The following ACP7 variants were observed in gnomAD, a reference collection of about 807,000 sequenced individuals.
ACP7 encodes acid phosphatase type 7.
In ACP7, 58 loss-of-function variants were observed where a neutral mutation model predicts 60.6. The observed-to-expected ratio is 0.96, with a 90% confidence interval of 0.77 to 1.19. The LOEUF is 1.19. Ranked by LOEUF, ACP7 falls within the 50% of genes most tolerant of loss-of-function variation. The pLI is 0.00. For synonymous variants in ACP7, 237 were observed against 232.6 expected (o/e 1.02, Z -0.17); for missense variants, 574 against 596.2 (o/e 0.96, Z 0.39).
intron 2 of ACP7, among the ~76,000 whole-genome samples, chr19:39,086,755 TA>T (rs2073147145): frequency 6.6e-6 from 1 of 152,108 alleles, no homozygotes; most frequent in Non-Finnish European, 1.5e-5. Flanking sequence ...TTTACATCAC[TA>T]AATTTTATGG....
At chr19:39,092,624 A>C (rs1045134207) in intron 2 of ACP7, among the ~76,000 whole-genome samples, 3 of 151,944 alleles carry the variant, frequency 2.0e-5, no homozygotes, top group Non-Finnish European at 2.9e-5. Context: ...GGTTCCCCCC[A>C]CACCCTGATA....
rs200775912 is a variant in ACP7 at position 39,098,936 on chromosome 19, G to A, written c.323-24G>A. On this transcript the variant is annotated intron_variant, in intron 3 of 12. Transcript: ENST00000331256. ...GGGTCCCGGGGCGCCCCAGCTGACT[G>A]CGACCTTTTCCTCTCCCATTCAGTT... 1.7e-5 allele frequency: 28 copies of A among 1,608,558 alleles called. No individual in the cohort carries two copies. In the East Asian group the frequency reaches 6.3e-4, roughly 36 times the overall value.
chr19:39,102,767 C>CTTTCTTTTTCTTTCTT (rs754172891), intron 11 of ACP7, among the ~76,000 whole-genome samples: 1 of 101,054 alleles, frequency 9.9e-6, no homozygotes, highest in East Asian at 3.3e-4. Flanking sequence ...TTCTTTCTTT[C>CTTTCTTTTTCTTTCTT]TCTCTCTCTC....
rs745789284 is a variant in ACP7, at chr19:39,098,504, C to T, written c.168C>T (p.Thr56=). The T allele has an allele frequency of 3.7e-6, 6 of 1,606,342 alleles. No homozygotes were observed. The African/African-American group carries it at 6.7e-5, about 18-fold the overall frequency. The part of the protein sequence containing the change: ...MTVTWTTWVP[T]RSEVQFGLQP... The stretch of plus-strand genomic sequence containing the variant: ...TAACTTGGACCACATGGGTCCCAAC[C>T]CGCTCTGAAGTGCAATTCGGGTTGC... Residue 56 remains threonine, a synonymous_variant, in exon 3 of 13, where the codon ACC becomes ACT. Transcript: ENST00000331256.
chr19:39,088,466 C>T (rs533152162), intron 2 of ACP7, among the ~76,000 whole-genome samples: 10 of 152,324 alleles, frequency 6.6e-5, no homozygotes, highest in Non-Finnish European at 1.3e-4. Context: ...AGTAAAAACC[C>T]ATCTCGTAGT....
intron 2 of ACP7, among the ~76,000 whole-genome samples, chr19:39,098,212 CCA>C (rs1347723440): frequency 7.4e-6 from 1 of 135,286 alleles, no homozygotes; most frequent in African/African-American, 2.8e-5. Flanking sequence ...TGAGATTGCA[CCA>C]CTGTACTCCA....
chr19:39,096,825 C>T (rs2073270923), intron 2 of ACP7, among the ~76,000 whole-genome samples: 1 of 152,084 alleles, frequency 6.6e-6, no homozygotes, highest in Admixed American at 6.6e-5. Flanking sequence ...TTGAGACAGA[C>T]AGAGTCTTGC....
intron 12 of ACP7, among the ~76,000 whole-genome samples, chr19:39,108,235 G>A (rs1172844795): frequency 1.3e-5 from 2 of 151,336 alleles, no homozygotes; most frequent in Non-Finnish European, 2.9e-5. Flanking sequence ...CACCTCCCAG[G>A]TTCAGGCAAT....
At chr19:39,084,919 C>T (rs377097089) in intron 1 of ACP7, among the ~76,000 whole-genome samples, 173 bp from the exon 2 acceptor site, 2 of 152,058 alleles carry the variant, frequency 1.3e-5, no homozygotes, top group East Asian at 1.9e-4. Flanking sequence ...CTCAGCTGCT[C>T]GGTTTCCTCA....
At chr19:39,105,336 G>C (rs8109607) in intron 11 of ACP7, among the ~76,000 whole-genome samples, 79,633 of 151,842 alleles carry the variant, frequency 0.52, 21,914 homozygotes, top group East Asian at 0.64. Context: ...CCTTTCATCA[G>C]AAACATTCTC....
rs1488601267 is a variant in ACP7 at position 39,085,207 on chromosome 19, G to T, written c.-63G>T. On this transcript the variant is annotated 5_prime_UTR_variant, in exon 2 of 13. Coordinates refer to ENST00000331256, the MANE Select transcript of ACP7 (RefSeq NM_001004318.3). ...CCTCCCAGCCCTTCCTGCTGTACCT[G>T]TGGGGAGCTGATCTCCTCAGTCCCC... is the stretch of plus-strand genomic sequence containing the variant. 2 of 1,553,372 alleles carry T rather than the reference G, an allele frequency of 1.3e-6. No individual in the cohort carries two copies. Among genetic ancestry groups the T allele is most frequent in the East Asian group, 4.7e-5 (2 of 42,914 alleles).
At chr19:39,096,019 T>G (rs1424094596) in intron 2 of ACP7, among the ~76,000 whole-genome samples, 1 of 152,178 alleles carries the variant, frequency 6.6e-6, no homozygotes, top group African/African-American at 2.4e-5. Context: ...AACCATTTTT[T>G]CCTCCTAGAC....
chr19:39,102,641 T>C (rs1406972577), intron 11 of ACP7, among the ~76,000 whole-genome samples: 2 of 152,014 alleles, frequency 1.3e-5, no homozygotes, highest in Non-Finnish European at 2.9e-5. Context: ...CCTCAAACTT[T>C]CACCCTCTTA....
At chr19:39,103,659 G>A (rs930698469) in intron 11 of ACP7, among the ~76,000 whole-genome samples, 2 of 149,978 alleles carry the variant, frequency 1.3e-5, no homozygotes, top group East Asian at 2.0e-4. Flanking sequence ...AAACCCCATC[G>A]CTATCAAAAA....
In ACP7 at chr19:39,100,283, C is replaced by T. The variant is rs542948386; in HGVS notation, c.562C>T (p.Arg188Trp). Residue 188 changes from arginine to tryptophan, a missense_variant, in exon 5 of 13, where the codon CGG becomes TGG. Coordinates refer to ENST00000331256, the MANE Select transcript of ACP7 (RefSeq NM_001004318.3). ...CGCCCGTGTTGGGGATAGGTTCATG[C>T]GGCTCATTGAACCCGTGGCTGCCAG... ...DNARVGDRFM[R>W]LIEPVAASLP... 14 of 1,614,040 alleles carry T rather than the reference C, an allele frequency of 8.7e-6. No individual in the cohort carries two copies. The highest frequency in any genetic ancestry group is 4.5e-5 in the East Asian group (2 of 44,864).
In ACP7 at chr19:39,103,658, C is replaced by T. The variant is rs368680516; in HGVS notation, c.1113+2121C>T. ...TCTGGGCAACATGGTGAAACCCCAT[C>T]GCTATCAAAAAATACAAAATTTAGC... On this transcript the variant is annotated intron_variant, in intron 11 of 12. Transcript: ENST00000331256. Among the ~76,000 whole-genome samples the T allele has an allele frequency of 2.2e-4, 33 of 150,646 alleles. No homozygotes were observed. In the East Asian group the frequency reaches 3.4e-3, roughly 16 times the overall value.
intron 2 of ACP7, among the ~76,000 whole-genome samples, chr19:39,086,409 C>T (rs982487851): frequency 6.6e-6 from 1 of 152,092 alleles, no homozygotes; most frequent in Non-Finnish European, 1.5e-5. Flanking sequence ...GTGGGTGGAT[C>T]ACTTGACCTC....
intron 2 of ACP7, among the ~76,000 whole-genome samples, chr19:39,086,138 A>G (rs1156814161): frequency 1.3e-5 from 2 of 152,122 alleles, no homozygotes; most frequent in African/African-American, 4.8e-5. Flanking sequence ...AGCCTAGGAA[A>G]CATAGTGAGA....
rs1033616690 is a variant in ACP7, at chr19:39,098,726, T to C, written c.322+68T>C. 30 of 1,491,412 alleles carry C rather than the reference T, an allele frequency of 2.0e-5. 1 individual carries two copies. The African/African-American group carries it at 4.1e-4, about 20-fold the overall frequency. 92.4% of individuals were successfully genotyped at this position (1,491,412 alleles called of 1,614,324 possible). On this transcript the variant is annotated intron_variant, in intron 3 of 12. Coordinates refer to ENST00000331256, the MANE Select transcript of ACP7 (RefSeq NM_001004318.3). The stretch of plus-strand genomic sequence containing the variant: ...GAGGAGTGGGATGCAGACTAGAAGC[T>C]ACCACTGGCCGGTGGCTCAGGCTGG...
Sources: allele counts gnomAD v4.1 joint callset (sites outside exome capture counted in the v4.1 genomes callset), GRCh38; gene constraint gnomAD v4.1.1; transcripts MANE v1.5; gene names NCBI Gene and HGNC (gene_info 2026-07-23, HGNC 2026-07-21).